The following PCDH15 variants were observed in gnomAD, a reference collection of about 807,000 sequenced individuals.
The protein encoded by PCDH15 is protocadherin-15.
A neutral mutation model predicts 178.5 loss-of-function variants in PCDH15; 129 were observed. That is an observed-to-expected ratio of 0.72 (90% CI 0.63 to 0.84). The LOEUF is 0.84. Among genes scored for constraint, PCDH15 ranks in the 40% least tolerant of loss-of-function variants. The probability of loss-of-function intolerance (pLI) is 0.00; values close to 1 mark genes in which losing one functional copy is unlikely to be tolerated. For synonymous variants in PCDH15, 800 were observed against 732.0 expected (o/e 1.09, Z -1.50); for missense variants, 2,230 against 2,099.9 (o/e 1.06, Z -1.21).
chr10:54,189,512 A>T, intron 11 of PCDH15: 2 of 484,944 alleles, frequency 4.1e-6, no homozygotes, highest in Non-Finnish European at 7.2e-6. Flanking sequence ...CAATTTTTTT[A>T]TTAGCATTGT....
At position 54,303,364 on chromosome 10, in the gene PCDH15, C is replaced by G. The variant is rs186707689; in HGVS notation, c.876+13907G>C. 1.6e-3 allele frequency among the ~76,000 whole-genome samples: 237 copies of G among 151,732 alleles called. 1 individual carries two copies. The highest frequency in any genetic ancestry group is 3.4e-3 in the African/African-American group (142 of 41,352). Reference sequence around the variant, plus strand: ...GGTTCCCCAATTATCACAATTGTTTCAAATGGAAACAATTTCATATCCCAT... The same window carrying G: ...GGTTCCCCAATTATCACAATTGTTTGAAATGGAAACAATTTCATATCCCAT... On this transcript the variant is annotated intron_variant, in intron 8 of 37. Coordinates refer to ENST00000644397, the MANE Select transcript of PCDH15 (RefSeq NM_001384140.1).
chr10:54,619,517 C>T (rs74834971), intron 2 of PCDH15, among the ~76,000 whole-genome samples: 2 of 151,770 alleles, frequency 1.3e-5, no homozygotes, highest in Non-Finnish European at 2.9e-5. Flanking sequence ...TCTTTTTGTG[C>T]GTAATCTTGT....
chr10:55,161,698 T>C (rs1341504908), intron 2 of PCDH15, among the ~76,000 whole-genome samples: 1 of 152,168 alleles, frequency 6.6e-6, no homozygotes, highest in Non-Finnish European at 1.5e-5. Flanking sequence ...CAAATTTTCA[T>C]ATCATTTTCC....
upstream of PCDH15, among the ~76,000 whole-genome samples, chr10:54,806,000 G>A (rs1357993554): frequency 1.3e-5 from 2 of 151,942 alleles, no homozygotes; most frequent in Admixed American, 1.3e-4. Context: ...CAAATTATTT[G>A]AATATTTCAT....
At chr10:54,211,691 T>G (rs1233213061) in intron 10 of PCDH15, among the ~76,000 whole-genome samples, 1 of 151,976 alleles carries the variant, frequency 6.6e-6, no homozygotes, top group Non-Finnish European at 1.5e-5. Context: ...TAAATTGGGA[T>G]CTAGTCCAAC....
chr10:53,943,281 G>T (rs1000098018), intron 23 of PCDH15, among the ~76,000 whole-genome samples: 1 of 151,888 alleles, frequency 6.6e-6, no homozygotes, highest in African/African-American at 2.4e-5. Flanking sequence ...CTGAGGTCAG[G>T]AGTTCAAGAC....
intron 5 of PCDH15, among the ~76,000 whole-genome samples, chr10:54,359,342 A>T (rs937139318): frequency 1.4e-5 from 2 of 147,820 alleles, no homozygotes; most frequent in African/African-American, 2.6e-5. Context: ...TTGGTTTATT[A>T]GTTGTTACAA....
Position 54,100,290 on chromosome 10 carries a change from G to A in PCDH15, c.1918-10227C>T, listed in dbSNP as rs572292935. 1.6e-4 allele frequency among the ~76,000 whole-genome samples: 24 copies of A among 151,904 alleles called. 1 individual carries two copies. Among genetic ancestry groups the A allele is most frequent in the African/African-American group, 5.3e-4 (22 of 41,446 alleles). ...TGAGGCAGGAGAATCGCTTGAACCC[G>A]GGAGGCAGAGGTTACAGTCAGCCAA... On this transcript the variant is annotated intron_variant, in intron 15 of 37. Transcript: ENST00000644397.
At chr10:55,325,768 C>A (rs1026338326) in intron 2 of PCDH15, among the ~76,000 whole-genome samples, 2 of 151,828 alleles carry the variant, frequency 1.3e-5, no homozygotes, top group East Asian at 3.9e-4. Flanking sequence ...CAAACAACAA[C>A]ACCAACAACA....
upstream of PCDH15, among the ~76,000 whole-genome samples, chr10:55,320,192 G>T (rs1022575399): frequency 6.6e-6 from 1 of 152,248 alleles, no homozygotes; most frequent in Admixed American, 6.5e-5. Context: ...TTCTCTACAG[G>T]TGCTGTGTGT....
intron 2 of PCDH15, among the ~76,000 whole-genome samples, chr10:54,998,221 T>C (rs2131926125): frequency 6.6e-6 from 1 of 152,208 alleles, no homozygotes; most frequent in South Asian, 2.1e-4. Flanking sequence ...TTAAAAAATA[T>C]ATAGAATAAA....
chr10:55,161,192 C>T (rs1857442), intron 2 of PCDH15, among the ~76,000 whole-genome samples: 107,666 of 151,952 alleles, frequency 0.71, 38,424 homozygotes, highest in South Asian at 0.83. Flanking sequence ...AGAGTTTATT[C>T]TCTGCAAAAA....
intron 2 of PCDH15, among the ~76,000 whole-genome samples, chr10:55,328,913 C>CATATATATATATAT (rs56104592): frequency 8.4e-4 from 94 of 111,320 alleles, no homozygotes; most frequent in African/African-American, 2.0e-3. Flanking sequence ...TTCACACAAA[C>CATATATATATATAT]ATATATATAT....
At chr10:55,456,751 G>A (rs1443786729) in intron 2 of PCDH15, among the ~76,000 whole-genome samples, 1 of 151,786 alleles carries the variant, frequency 6.6e-6, no homozygotes, top group African/African-American at 2.4e-5. Context: ...TGACAGCCTT[G>A]TCTGGTTCTG....
chr10:54,964,809 C>G (rs920912697), intron 2 of PCDH15, among the ~76,000 whole-genome samples: 3 of 152,112 alleles, frequency 2.0e-5, no homozygotes, highest in African/African-American at 7.2e-5. Flanking sequence ...AATTACAATT[C>G]CCCTGAACCA....
chr10:55,077,844 G>A (rs1473891296), intron 2 of PCDH15, among the ~76,000 whole-genome samples: 1 of 152,110 alleles, frequency 6.6e-6, no homozygotes, highest in African/African-American at 2.4e-5. Flanking sequence ...ACCGTGCCCG[G>A]CCAGTGGTTT....
intron 13 of PCDH15, among the ~76,000 whole-genome samples, chr10:54,157,493 C>G (rs1044779292): frequency 1.3e-5 from 2 of 152,176 alleles, no homozygotes; most frequent in Admixed American, 1.3e-4. Context: ...AGGCTGCACA[C>G]AGAACAGGGA....
At chr10:55,197,415 T>G (rs1409143743) in intron 1 of PCDH15, among the ~76,000 whole-genome samples, 1 of 152,102 alleles carries the variant, frequency 6.6e-6, no homozygotes, top group African/African-American at 2.4e-5. Context: ...TATGCAATTC[T>G]GTATGAATCA....
In PCDH15 at chr10:54,022,907, G is replaced by T. The variant is rs1358491828; in HGVS notation, c.2511C>A (p.Thr837=). ...TCCCACACACCTCTATTTGAAGGAT[G>T]GTAGTCCCAGCTGGCAAATTCTCTT... ...LVEENLPAGT[T]ILQIEAKDVD... Residue 837 remains threonine (T), a synonymous_variant, in exon 19 of 38, where the codon ACC becomes ACA. Transcript: ENST00000644397. 1.2e-6 allele frequency: 2 copies of T among 1,613,782 alleles called. No homozygotes were observed. The highest frequency in any genetic ancestry group is 2.2e-5 in the East Asian group (1 of 44,862).
Sources: gnomAD v4.1 joint callset for allele counts (sites outside exome capture counted in the v4.1 genomes callset) on GRCh38, gnomAD v4.1.1 for gene constraint, MANE v1.5 for transcripts, NCBI Gene and HGNC (gene_info 2026-07-23, HGNC 2026-07-21) for gene names.